UGP2: variants seen among roughly 807,000 people sequenced by gnomAD.
The protein encoded by UGP2 is UTP--glucose-1-phosphate uridylyltransferase.
A neutral mutation model predicts 49.0 loss-of-function variants in UGP2; 40 were observed. The ratio of observed to expected loss-of-function variants is 0.82; its 90% CI spans 0.63 to 1.06. The LOEUF is 1.06. Among genes scored for constraint, UGP2 ranks in the 50% least tolerant of loss-of-function variants. The pLI, the probability that UGP2 is intolerant of heterozygous loss-of-function variation, is 0.00. For missense variants in UGP2, 460 were observed against 603.5 expected, an observed-to-expected ratio of 0.76 and a Z score of 2.49; for synonymous variants, 225 against 213.0, an observed-to-expected ratio of 1.06 and a Z score of -0.49.
At position 63,887,515 on chromosome 2, in the gene UGP2, C is replaced by G. The variant is rs776450293; in HGVS notation, c.1185C>G (p.Val395=). The change falls in exon 8 of 10, where the codon GTC becomes GTG. Residue 395 remains valine, a synonymous_variant. Transcript: ENST00000337130. Reference sequence around the variant, plus strand: ...TGCCAAGGAGCCGTTTTCTGCCTGTCAAAACCACATCAGATCTCTTGCTGG... The same window carrying G: ...TGCCAAGGAGCCGTTTTCTGCCTGTGAAAACCACATCAGATCTCTTGCTGG... The part of the protein sequence containing the change: ...INVPRSRFLP[V]KTTSDLLLVM... 1.3e-5 allele frequency: 21 copies of G among 1,613,924 alleles called. No homozygotes were observed. Among genetic ancestry groups the G allele is most frequent in the Non-Finnish European group, 1.7e-5 (20 of 1,180,012 alleles).
intron 1 of UGP2, among the ~76,000 whole-genome samples, chr2:63,852,066 C>T (rs1319101977): frequency 1.3e-5 from 2 of 152,196 alleles, no homozygotes; most frequent in Non-Finnish European, 2.9e-5. Context: ...AATCATATTA[C>T]ATTTTATGCT....
chr2:63,872,814 G>T (rs1373109112), intron 3 of UGP2, among the ~76,000 whole-genome samples: 2 of 150,746 alleles, frequency 1.3e-5, no homozygotes, highest in African/African-American at 4.9e-5. Flanking sequence ...AAAGATTTAT[G>T]AACCTCTTCT....
intron 1 of UGP2, chr2:63,854,917 G>A (rs1209015289): frequency 6.6e-6 from 1 of 152,274 alleles, no homozygotes; most frequent in Non-Finnish European, 1.5e-5. Context: ...TGTTGACAGA[G>A]AGCACATGCA....
intron 1 of UGP2, among the ~76,000 whole-genome samples, chr2:63,845,838 C>G (rs1558930378): frequency 6.6e-6 from 1 of 152,078 alleles, no homozygotes; most frequent in Non-Finnish European, 1.5e-5. Context: ...GGCATTGTGC[C>G]TTAGAGGAAA....
chr2:63,890,001 T>TA (rs1671976379), intron 8 of UGP2, 80 bp from the exon 9 acceptor site: 4 of 1,139,160 alleles, frequency 3.5e-6, no homozygotes, highest in Middle Eastern at 2.2e-4. Flanking sequence ...ACAGTTCAGT[T>TA]AAACTTTCTT....
intron 2 of UGP2, 192 bp downstream of exon 2, chr2:63,856,625 CTT>C: frequency 1.6e-6 from 1 of 627,068 alleles, no homozygotes; most frequent in South Asian, 1.9e-5. Context: ...AATCCATTAT[CTT>C]TTTTTCATTT....
chr2:63,884,165 GA>G, intron 5 of UGP2, 72 bp downstream of exon 5: 1 of 1,563,338 alleles, frequency 6.4e-7, no homozygotes, highest in Non-Finnish European at 8.7e-7. Context: ...GTTTATAACA[GA>G]GCAGTTTCAA....
chr2:63,855,188 CTT>C (rs886205645), intron 1 of UGP2, among the ~76,000 whole-genome samples: 5 of 152,030 alleles, frequency 3.3e-5, no homozygotes, highest in Admixed American at 2.0e-4. Context: ...GTATAAATGT[CTT>C]TTATTCAAAT....
intron 1 of UGP2, among the ~76,000 whole-genome samples, chr2:63,848,386 C>T (rs979084570): frequency 2.0e-5 from 3 of 152,118 alleles, no homozygotes; most frequent in Admixed American, 2.0e-4. Flanking sequence ...TTCATTGAGA[C>T]GGAGTCTTGC....
At chr2:63,876,553 A>AGG (rs1670918083) in intron 3 of UGP2, among the ~76,000 whole-genome samples, 1 of 152,220 alleles carries the variant, frequency 6.6e-6, no homozygotes, top group Non-Finnish European at 1.5e-5. Context: ...ATTCCTCGGC[A>AGG]GGACCTACAT....
At chr2:63,854,551 GT>G (rs1183858650) in intron 1 of UGP2, among the ~76,000 whole-genome samples, 10 of 116,746 alleles carry the variant, frequency 8.6e-5, no homozygotes, top group African/African-American at 3.8e-4. Flanking sequence ...AAGGGAAATG[GT>G]TCCCTGCTCT....
At chr2:63,882,346 T>G in intron 3 of UGP2, 120 bp from the exon 4 acceptor site, 2 of 957,644 alleles carry the variant, frequency 2.1e-6, no homozygotes, top group Non-Finnish European at 2.9e-6. Flanking sequence ...AAAAGTTGAT[T>G]AAAACTTTCC....
At position 63,882,677 on chromosome 2, in the gene UGP2, G is replaced by T. The variant is rs1038378424; in HGVS notation, c.441+26G>T. ...GTGAGTAACATTTAGCCTTTCTCAT[G>T]AGATACTAAAATAGTTTTTAGTTTT... On this transcript the variant is annotated intron_variant, in intron 4 of 9. Coordinates refer to ENST00000337130, the MANE Select transcript of UGP2 (RefSeq NM_006759.4). The T allele has an allele frequency of 2.0e-6, 3 of 1,477,010 alleles. No homozygotes were observed. The African/African-American group carries it at 4.2e-5, about 21-fold the overall frequency. The allele number at this position is 1,477,010 out of a possible 1,614,324, so 91.5% of individuals were successfully genotyped here.
chr2:63,854,990 G>A (rs1001822221), intron 1 of UGP2: 1 of 153,158 alleles, frequency 6.5e-6, no homozygotes, highest in African/African-American at 2.4e-5. Context: ...AGTGACTTGG[G>A]TTCTGTGTGT....
rs1381280312 is a variant in UGP2, at chr2:63,889,628, G to C, written c.1315-453G>C. 3 of 152,924 alleles carry C rather than the reference G, an allele frequency of 2.0e-5. No homozygotes were observed. In the East Asian group the frequency reaches 5.8e-4, roughly 29 times the overall value. 9.5% of individuals were successfully genotyped at this position (152,924 alleles called of 1,614,324 possible). Reference sequence around the variant, plus strand: ...GCTTGTAAATCTAAGGAAATAAAAAGACAAAGATGGTGATAACATAATAAT... The same window carrying C: ...GCTTGTAAATCTAAGGAAATAAAAACACAAAGATGGTGATAACATAATAAT... On this transcript the variant is annotated intron_variant, in intron 8 of 9. Transcript: ENST00000337130.
chr2:63,857,370 T>G (rs1404520997), intron 2 of UGP2, among the ~76,000 whole-genome samples: 1 of 152,124 alleles, frequency 6.6e-6, no homozygotes, highest in Non-Finnish European at 1.5e-5. Flanking sequence ...TTGTTTGTTT[T>G]TGTTTGTTTT....
At chr2:63,853,008 A>G (rs1237380378) in intron 1 of UGP2, among the ~76,000 whole-genome samples, 1 of 152,086 alleles carries the variant, frequency 6.6e-6, no homozygotes, top group Non-Finnish European at 1.5e-5. Flanking sequence ...GCTCAGGAAA[A>G]AAGTTTAGGA....
intron 3 of UGP2, among the ~76,000 whole-genome samples, chr2:63,875,802 C>T (rs1488798215): frequency 2.0e-5 from 3 of 152,172 alleles, no homozygotes; most frequent in Admixed American, 2.0e-4. Flanking sequence ...TCCCTCCTGT[C>T]TGTTTAGTTG....
intron 3 of UGP2, among the ~76,000 whole-genome samples, chr2:63,870,268 G>A (rs1670463616): frequency 6.6e-6 from 1 of 151,982 alleles, no homozygotes; most frequent in African/African-American, 2.4e-5. Context: ...GTTAATAGCT[G>A]GGAAAATAAA....
Sources: allele counts gnomAD v4.1 joint callset (sites outside exome capture counted in the v4.1 genomes callset), GRCh38; gene constraint gnomAD v4.1.1; transcripts MANE v1.5; gene names NCBI Gene and HGNC (gene_info 2026-07-23, HGNC 2026-07-21).